The following OTOF variants were observed in gnomAD, a reference collection of about 807,000 sequenced individuals.
OTOF encodes fer-1-like family member 2.
In OTOF, 218 loss-of-function variants were observed where a neutral mutation model predicts 236.8. That is an observed-to-expected ratio of 0.92 (90% CI 0.82 to 1.03). The LOEUF (loss-of-function observed/expected upper bound fraction) is 1.03. Among genes scored for constraint, OTOF ranks in the 50% least tolerant of loss-of-function variants. The pLI is 0.00. For missense variants in OTOF, 2,590 were observed against 2,694.4 expected, an observed-to-expected ratio of 0.96 and a Z score of 0.86; for synonymous variants, 1,041 against 1,072.5, an observed-to-expected ratio of 0.97 and a Z score of 0.57.
chr2:26,515,150 CCTT>C (rs1469022596), intron 5 of OTOF, among the ~76,000 whole-genome samples: 2 of 152,216 alleles, frequency 1.3e-5, no homozygotes, highest in African/African-American at 4.8e-5. Context: ...CTTGCTATGT[CCTT>C]CTTTGCAGGT....
chr2:26,466,723 A>C lies in OTOF; in HGVS notation c.4491T>G (p.Tyr1497Ter). The change falls in exon 36 of 47, where the codon TAT becomes TAG. Residue 1497 changes from tyrosine to a stop codon, truncating the protein, a stop_gained. Transcript: ENST00000272371. LOFTEE classifies it high-confidence loss of function. The stretch of plus-strand genomic sequence containing the variant: ...GCGACGGGAGTCTCACCCGGACCAC[A>C]TAGACTCGGACCAGCACATTGATGG... ...NDPINVLVRV[Y>*]VVRATDLHPA... 6.2e-7 allele frequency: 1 copy of C among 1,614,216 alleles called. No homozygotes were observed. The highest frequency in any genetic ancestry group is 8.5e-7 in the Non-Finnish European group (1 of 1,180,028).
intron 1 of OTOF, among the ~76,000 whole-genome samples, chr2:26,550,744 C>T (rs1443737353): frequency 6.6e-6 from 1 of 152,182 alleles, no homozygotes; most frequent in Non-Finnish European, 1.5e-5. Flanking sequence ...GCACTCAGCC[C>T]TCCGCCTGCC....
Position 26,483,647 on chromosome 2 carries a change from T to C in OTOF, c.1207A>G (p.Asn403Asp). The C allele has an allele frequency of 6.2e-7, 1 of 1,611,798 alleles. No individual in the cohort carries two copies. Among genetic ancestry groups the C allele is most frequent in the Non-Finnish European group, 8.5e-7 (1 of 1,179,806 alleles). The change falls in exon 13 of 47, where the codon AAC becomes GAC. Residue 403 changes from asparagine to aspartate, a missense_variant and splice_region_variant. Coordinates refer to ENST00000272371, the MANE Select transcript of OTOF (RefSeq NM_194248.3). ...GGCACCCCCTCGGGGAGCAGCAAGT[T>C]CCTGCCAGCACATACAGCCAGGGCC... ...NETDEDDIEG[N>D]LLLPEGVPPE...
chr2:26,525,011 A>G lies in OTOF; in HGVS notation c.227+2821T>C, dbSNP rs891618630. On this transcript the variant is annotated intron_variant, in intron 3 of 46. Coordinates refer to ENST00000272371, the MANE Select transcript of OTOF (RefSeq NM_194248.3). ...CACTTGGTCTGTGTGTGAGCCTTCC[A>G]CTTGTTCCTGTTTCTCCTGTCCTCA... Among the ~76,000 whole-genome samples the G allele has an allele frequency of 2.0e-5, 3 of 152,086 alleles. No individual in the cohort carries two copies. The South Asian group carries it at 6.2e-4, about 32-fold the overall frequency.
At chr2:26,485,040 C>T (rs1665668401) in intron 11 of OTOF, among the ~76,000 whole-genome samples, 2 of 152,232 alleles carry the variant, frequency 1.3e-5, no homozygotes, top group African/African-American at 4.8e-5. Flanking sequence ...CCCTCTGGGG[C>T]TTCCCAGTGC....
intron 46 of OTOF, 57 bp downstream of exon 46, chr2:26,459,951 T>TATGA: frequency 6.7e-7 from 1 of 1,489,602 alleles, no homozygotes; most frequent in Non-Finnish European, 9.1e-7. Flanking sequence ...TATATGTGTG[T>TATGA]GTGTGCACGC....
At chr2:26,534,301 G>T (rs884836) in intron 2 of OTOF, among the ~76,000 whole-genome samples, 55,525 of 152,098 alleles carry the variant, frequency 0.37, 12,606 homozygotes, top group Admixed American at 0.53. Flanking sequence ...TCCACACAGG[G>T]CCTGTGTTAG....
In OTOF at chr2:26,481,016, C is replaced by A. The variant is rs116430138; in HGVS notation, c.1580-7G>T. 848 of 1,608,526 alleles carry A rather than the reference C, an allele frequency of 5.3e-4. 5 individuals are homozygous for A. In the African/African-American group the frequency reaches 9.5e-3, roughly 18 times the overall value. On this transcript the variant is annotated splice_region_variant and splice_polypyrimidine_tract_variant and intron_variant, in intron 14 of 46. Coordinates refer to ENST00000272371, the MANE Select transcript of OTOF (RefSeq NM_194248.3). ...CCCAGTGTGGGCAGGAAGCCTGTGG[C>A]AGTGGGAACAAAAATGAGGGGGCAG...
chr2:26,504,143 A>C (rs1296674303), intron 5 of OTOF, among the ~76,000 whole-genome samples: 1 of 152,100 alleles, frequency 6.6e-6, no homozygotes, highest in African/African-American at 2.4e-5. Flanking sequence ...GAGCCGTTTT[A>C]ACTGGAGCTC....
At chr2:26,463,398 A>G (rs1255106467) in intron 41 of OTOF, 85 bp downstream of exon 41, 6 of 1,144,652 alleles carry the variant, frequency 5.2e-6, no homozygotes, top group East Asian at 2.6e-5. Context: ...TCTGGACCTG[A>G]GCCCCCCGCA....
chr2:26,549,708 C>A (rs940620761), intron 1 of OTOF, among the ~76,000 whole-genome samples: 22 of 152,316 alleles, frequency 1.4e-4, no homozygotes, highest in African/African-American at 5.1e-4. Context: ...ATCTGAGAGG[C>A]AGGGGCAGGG....
intron 10 of OTOF, 98 bp from the exon 11 acceptor site, chr2:26,489,393 G>T (rs1040101412): frequency 7.4e-6 from 7 of 948,102 alleles, no homozygotes; most frequent in Non-Finnish European, 9.9e-6. Context: ...AAGTGGGAGG[G>T]CGTTGGCAGA....
intron 5 of OTOF, among the ~76,000 whole-genome samples, chr2:26,507,701 T>C (rs891540621): frequency 2.6e-5 from 4 of 152,158 alleles, no homozygotes; most frequent in African/African-American, 7.2e-5. Flanking sequence ...TTCTTGGGCG[T>C]ATTAAAGCTT....
chr2:26,466,430 A>G (rs995554318), intron 36 of OTOF: 1 of 510,038 alleles, frequency 2.0e-6, no homozygotes, highest in South Asian at 2.0e-5. Flanking sequence ...TCCACCTCCC[A>G]GGTTCAAGCG....
Position 26,460,936 on chromosome 2 carries a change from G to A in OTOF, c.5628C>T (p.Pro1876=), listed in dbSNP as rs149495515. Residue 1876 remains proline (P), a synonymous_variant, in exon 44 of 47, where the codon CCC becomes CCT. Coordinates refer to ENST00000272371, the MANE Select transcript of OTOF (RefSeq NM_194248.3). The surrounding 1 kb of genome is among the most constrained non-coding windows in gnomAD (Gnocchi z 5.3). The stretch of plus-strand genomic sequence containing the variant: ...GCTTTTGCTTGAAGATGGACACGAG[G>A]GGCACGTCCACCTCCCCGGTGGCCA... ...MEMATGEVDV[P]LVSIFKQKRV... The A allele has an allele frequency of 8.7e-6, 14 of 1,614,070 alleles. No homozygotes were observed. Among genetic ancestry groups the A allele is most frequent in the Non-Finnish European group, 1.1e-5 (13 of 1,180,000 alleles).
Position 26,481,453 on chromosome 2 carries a change from G to A in OTOF, c.1580-444C>T, listed in dbSNP as rs182762841. 7.2e-5 allele frequency among the ~76,000 whole-genome samples: 11 copies of A among 152,230 alleles called. No homozygotes were observed. In the East Asian group the frequency reaches 1.4e-3, roughly 19 times the overall value. ...TGCCTGTGAAATGCTGCTTCCTCAC[G>A]AAGCCTTCCCAATTCCTAGGCACAA... is the stretch of plus-strand genomic sequence containing the variant. On this transcript the variant is annotated intron_variant, in intron 14 of 46. Coordinates refer to ENST00000272371, the MANE Select transcript of OTOF (RefSeq NM_194248.3).
chr2:26,520,235 G>C (rs1666643764), intron 3 of OTOF, among the ~76,000 whole-genome samples: 1 of 152,170 alleles, frequency 6.6e-6, no homozygotes, highest in African/African-American at 2.4e-5. Context: ...GAGCTGGAAG[G>C]GACCTTGGGC....
intron 1 of OTOF, among the ~76,000 whole-genome samples, chr2:26,553,818 T>C (rs531775088): frequency 6.6e-6 from 1 of 152,324 alleles, no homozygotes; most frequent in South Asian, 2.1e-4. Context: ...TAACTGACTC[T>C]GGCTTACACA....
At chr2:26,522,190 C>T (rs1375116003) in intron 3 of OTOF, among the ~76,000 whole-genome samples, 1 of 152,158 alleles carries the variant, frequency 6.6e-6, no homozygotes. Context: ...TAACAGTTCA[C>T]CCCCCAACCT....
Sources: allele counts gnomAD v4.1 joint callset (sites outside exome capture counted in the v4.1 genomes callset), GRCh38; gene constraint gnomAD v4.1.1; non-coding constraint Gnocchi (gnomAD v3.1); transcripts MANE v1.5; gene names NCBI Gene and HGNC (gene_info 2026-07-23, HGNC 2026-07-21).